VWA3B: variants seen among roughly 807,000 people sequenced by gnomAD.
The protein encoded by VWA3B is von Willebrand factor A domain containing 3B, also known as von Willebrand factor A domain-containing protein 3B.
Under a neutral mutation model 158.3 loss-of-function variants are expected in VWA3B, and 138 were observed. The observed-to-expected ratio is 0.87, with a 90% confidence interval of 0.76 to 1.00. The LOEUF (loss-of-function observed/expected upper bound fraction) is 1.00. VWA3B is among the 50% of genes least tolerant of loss of function. VWA3B has a pLI of 0.00. For missense variants in VWA3B, 1,555 were observed against 1,565.1 expected (o/e 0.99, Z 0.11); for synonymous variants, 596 against 587.3 (o/e 1.01, Z -0.21).
At chr2:98,230,965 C>T (rs539548354) in intron 16 of VWA3B, among the ~76,000 whole-genome samples, 17 of 152,138 alleles carry the variant, frequency 1.1e-4, no homozygotes, top group Non-Finnish European at 1.6e-4. Context: ...GGCTACGGGA[C>T]GCACAAAACC....
intron 14 of VWA3B, among the ~76,000 whole-genome samples, chr2:98,222,674 G>A (rs62156674): frequency 0.047 from 7,204 of 152,252 alleles, 258 homozygotes; most frequent in Middle Eastern, 0.082. Flanking sequence ...GAAGCCTGAC[G>A]GAGGGAAACG....
chr2:98,242,710 C>T (rs1349807185), intron 19 of VWA3B, among the ~76,000 whole-genome samples: 1 of 146,484 alleles, frequency 6.8e-6, no homozygotes, highest in Non-Finnish European at 1.5e-5. Context: ...ATCTAGTATG[C>T]AGTGCACCCT....
intron 10 of VWA3B, among the ~76,000 whole-genome samples, chr2:98,190,742 C>G (rs920693277): frequency 5.3e-5 from 8 of 152,032 alleles, no homozygotes; most frequent in African/African-American, 1.9e-4. Context: ...TTTGTTTGCT[C>G]CTCTACACAT....
At chr2:98,250,517 C>CT (rs370926569) in intron 20 of VWA3B, 81 bp downstream of exon 20, 48,119 of 866,130 alleles carry the variant, frequency 0.056, no homozygotes, top group East Asian at 0.061. Context: ...TTTAGCTTAG[C>CT]TTTTTTTTTT....
intron 19 of VWA3B, among the ~76,000 whole-genome samples, chr2:98,240,381 C>G (rs1339750693): frequency 6.6e-6 from 1 of 152,142 alleles, no homozygotes; most frequent in African/African-American, 2.4e-5. Context: ...TCTTCCTTCC[C>G]CTCTTACAAA....
rs1685094045 is a variant in VWA3B, at chr2:98,228,432, C to G, written c.2150+100C>G. 5.7e-6 allele frequency: 8 copies of G among 1,405,816 alleles called. No individual in the cohort carries two copies. In the Admixed American group the frequency reaches 2.1e-4, roughly 36 times the overall value. The allele number at this position is 1,405,816 out of a possible 1,614,324, so 87.1% of individuals were successfully genotyped here. A position where few individuals can be genotyped will look rare whatever the true frequency, so the allele number is the denominator to read the frequency against. On this transcript the variant is annotated intron_variant, in intron 15 of 27. Coordinates refer to ENST00000477737, the MANE Select transcript of VWA3B (RefSeq NM_144992.5). ...CTTTCTGAAATGCTCTGTGAAATTTCTTTTAGTGAAAAGAATCACGTAGTG... is the reference window on the plus strand; with the variant it reads ...CTTTCTGAAATGCTCTGTGAAATTTGTTTTAGTGAAAAGAATCACGTAGTG...
the VWA3B span, among the ~76,000 whole-genome samples, chr2:98,327,429 G>A: frequency 6.6e-6 from 1 of 152,182 alleles, no homozygotes; most frequent in African/African-American, 2.4e-5. Context: ...AAGCAAATTA[G>A]TATATAAGCA....
chr2:98,090,781 G>A (rs1183699956), intron 1 of VWA3B, among the ~76,000 whole-genome samples: 1 of 150,678 alleles, frequency 6.6e-6, no homozygotes, highest in African/African-American at 2.4e-5. Context: ...CTAAAGACAA[G>A]TTCTTGCTCT....
chr2:98,268,802 C>A (rs1340824970), intron 21 of VWA3B, among the ~76,000 whole-genome samples: 2 of 151,960 alleles, frequency 1.3e-5, no homozygotes, highest in Middle Eastern at 3.4e-3. Context: ...ACAATTAAAG[C>A]TATTCATCAT....
chr2:98,121,516 T>A (rs1674960916), intron 5 of VWA3B, 58 bp downstream of exon 5: 4 of 1,586,270 alleles, frequency 2.5e-6, no homozygotes, highest in Non-Finnish European at 3.4e-6. Flanking sequence ...GCTTAACTCT[T>A]CACACTCAGT....
At chr2:98,226,920 C>A (rs1684959686) in intron 14 of VWA3B, among the ~76,000 whole-genome samples, 1 of 152,164 alleles carries the variant, frequency 6.6e-6, no homozygotes, top group Non-Finnish European at 1.5e-5. Context: ...CCATTTATGA[C>A]AAACCCATAG....
At chr2:98,137,485 A>G (rs951167087) in intron 7 of VWA3B, among the ~76,000 whole-genome samples, 1 of 152,234 alleles carries the variant, frequency 6.6e-6, no homozygotes, top group African/African-American at 2.4e-5. Context: ...CATGATGATG[A>G]AAATATCACA....
At chr2:98,118,419 C>G (rs547662706) in intron 3 of VWA3B, among the ~76,000 whole-genome samples, 1 of 152,236 alleles carries the variant, frequency 6.6e-6, no homozygotes, top group Admixed American at 6.5e-5. Context: ...GCACATTTTC[C>G]AAGATAAAGT....
At chr2:98,171,861 G>A (rs568963959) in intron 8 of VWA3B, among the ~76,000 whole-genome samples, 7 of 152,282 alleles carry the variant, frequency 4.6e-5, no homozygotes, top group South Asian at 2.1e-4. Context: ...GTGCTGAATC[G>A]ACAGTGAAAG....
At chr2:98,151,884 A>G (rs1195799426) in intron 7 of VWA3B, among the ~76,000 whole-genome samples, 1 of 152,196 alleles carries the variant, frequency 6.6e-6, no homozygotes, top group East Asian at 1.9e-4. Flanking sequence ...TGGGATTCCA[A>G]GTGGGTTTTG....
At position 98,300,065 on chromosome 2, in the gene VWA3B, G is replaced by A. The variant is rs1690076308; in HGVS notation, c.3283-14G>A. 1 of 1,614,028 alleles carries A rather than the reference G, an allele frequency of 6.2e-7. No individual in the cohort carries two copies. Among genetic ancestry groups the A allele is most frequent in the African/African-American group, 1.3e-5 (1 of 74,924 alleles). On this transcript the variant is annotated splice_polypyrimidine_tract_variant and intron_variant, in intron 24 of 27. Transcript: ENST00000477737. ...TCCATAAGCAAAATATTTGCTCTAT[G>A]TTCTCCTCTGCAGGTTGGAGATTAT... is the stretch of plus-strand genomic sequence containing the variant.
At chr2:98,146,956 T>A (rs1677216819) in intron 7 of VWA3B, among the ~76,000 whole-genome samples, 1 of 152,192 alleles carries the variant, frequency 6.6e-6, no homozygotes, top group Non-Finnish European at 1.5e-5. Flanking sequence ...CCACTTTTTT[T>A]GGTCATAGGG....
chr2:98,121,173 A>T (rs1283322782), intron 4 of VWA3B, 126 bp from the exon 5 acceptor site: 24 of 1,221,092 alleles, frequency 2.0e-5, no homozygotes, highest in South Asian at 9.9e-5. Flanking sequence ...GGGAGCTATG[A>T]TTTCTTTCTT....
intron 22 of VWA3B, among the ~76,000 whole-genome samples, chr2:98,274,012 A>G (rs894586682): frequency 6.6e-6 from 1 of 152,176 alleles, no homozygotes; most frequent in Admixed American, 6.5e-5. Context: ...CTTACCACAA[A>G]ATGGGAATAA....
Sources: gnomAD v4.1 joint callset for allele counts (sites outside exome capture counted in the v4.1 genomes callset) on GRCh38, gnomAD v4.1.1 for gene constraint, MANE v1.5 for transcripts, NCBI Gene and HGNC (gene_info 2026-07-23, HGNC 2026-07-21) for gene names.